The following ZMYM1 variants were observed in gnomAD, a reference collection of about 807,000 sequenced individuals.
ZMYM1 encodes the protein zinc finger MYM-type containing 1, also known as zinc finger MYM-type protein 1.
ZMYM1 carries 39 observed loss-of-function variants against 60.0 expected under a neutral mutation model. That is an observed-to-expected ratio of 0.65 (90% CI 0.50 to 0.85). The LOEUF (loss-of-function observed/expected upper bound fraction) is 0.85, where lower values mean the gene tolerates loss of function less well. Ranked by LOEUF, ZMYM1 falls within the 40% of genes least tolerant of loss-of-function variation. The probability of loss-of-function intolerance (pLI) is 0.00; values close to 1 mark genes in which losing one functional copy is unlikely to be tolerated. For synonymous variants in ZMYM1, 413 were observed against 454.0 expected (o/e 0.91, Z 1.15); for missense variants, 1,171 against 1,309.5 (o/e 0.89, Z 1.63).
At chr1:35,088,208 A>G (rs1642761514) in intron 1 of ZMYM1, among the ~76,000 whole-genome samples, 1 of 151,972 alleles carries the variant, frequency 6.6e-6, no homozygotes. Context: ...TCACAAGGTC[A>G]GGTGATCGAG....
At chr1:35,060,401 C>T (rs1388401015) in intron 1 of ZMYM1, among the ~76,000 whole-genome samples, 2 of 151,108 alleles carry the variant, frequency 1.3e-5, no homozygotes, top group African/African-American at 2.5e-5. Flanking sequence ...CTCTGGTGAT[C>T]GACCCCCCTC....
At chr1:35,112,332 C>T (rs1236827719) in intron 9 of ZMYM1, among the ~76,000 whole-genome samples, 1 of 151,586 alleles carries the variant, frequency 6.6e-6, no homozygotes, top group African/African-American at 2.4e-5. Flanking sequence ...CGCCTGCTAC[C>T]ATGCCCAGTT....
At chr1:35,092,381 C>A (rs1225540067) in intron 1 of ZMYM1, among the ~76,000 whole-genome samples, 3 of 145,618 alleles carry the variant, frequency 2.1e-5, no homozygotes, top group African/African-American at 7.6e-5. Context: ...CACAGGCACA[C>A]ACCACCACAC....
Position 35,115,074 on chromosome 1 carries a change from A to G in ZMYM1, c.3244A>G (p.Ser1082Gly). 1 of 1,614,118 alleles carries G rather than the reference A, an allele frequency of 6.2e-7. No homozygotes were observed. The highest frequency in any genetic ancestry group is 1.1e-5 in the South Asian group (1 of 91,076). ...IALSWPITSA[S>G]TENSFSTLPR... ...TTTGTCTTGGCCAATTACTTCAGCA[A>G]GTACTGAGAACTCATTTTCTACCCT... Residue 1082 changes from serine to glycine, a missense_variant, in exon 10 of 10, where the codon AGT becomes GGT. Transcript: ENST00000359858.
chr1:35,095,851 G>GGACTGTTT lies in ZMYM1; in HGVS notation c.131_132insCTGTTTGA (p.Glu44AspfsTer7). The stretch of plus-strand genomic sequence containing the variant: ...GTCATAGGCAACAGTCCAGAACTCA[G>GGACTGTTT]GAGAATGAACTGAAAATAAATGCTG... On this transcript the variant is annotated frameshift_variant, in exon 3 of 10. Coordinates refer to ENST00000359858, the MANE Select transcript of ZMYM1 (RefSeq NM_024772.5). LOFTEE classifies it high-confidence loss of function. The GGACTGTTT allele has an allele frequency of 5.0e-6, 8 of 1,609,800 alleles. No individual in the cohort carries two copies. The Middle Eastern group carries it at 1.3e-3, about 267-fold the overall frequency.
intron 6 of ZMYM1, among the ~76,000 whole-genome samples, chr1:35,108,350 T>A (rs1401026231): frequency 6.6e-6 from 1 of 152,142 alleles, no homozygotes; most frequent in Non-Finnish European, 1.5e-5. Context: ...GGTTTTGTTT[T>A]GTTTTGTTTT....
chr1:35,078,634 T>C (rs1373009992), upstream of ZMYM1, among the ~76,000 whole-genome samples: 1 of 144,632 alleles, frequency 6.9e-6, no homozygotes, highest in Non-Finnish European at 1.5e-5. Flanking sequence ...CTGCAACCTC[T>C]GCCTCCTGGC....
chr1:35,101,022 T>G (rs1340595193), intron 4 of ZMYM1, among the ~76,000 whole-genome samples: 1 of 152,040 alleles, frequency 6.6e-6, no homozygotes, highest in Non-Finnish European at 1.5e-5. Context: ...AGACTGGTCT[T>G]GAACTCCTGG....
At chr1:35,061,453 T>G (rs1200421957) in intron 1 of ZMYM1, among the ~76,000 whole-genome samples, 1 of 152,072 alleles carries the variant, frequency 6.6e-6, no homozygotes, top group East Asian at 1.9e-4. Context: ...TAGATAGATA[T>G]AGATAGATAG....
rs189973655 is a variant in ZMYM1 at position 35,089,324 on chromosome 1, G to A, written c.-74-4590G>A. ...TGGCATGTGTACTTTCAGGTGAAGGGAATCTACCTAATGACAAATAGTTAA... is the reference window on the plus strand; with the variant it reads ...TGGCATGTGTACTTTCAGGTGAAGGAAATCTACCTAATGACAAATAGTTAA... On this transcript the variant is annotated intron_variant, in intron 1 of 9. Transcript: ENST00000359858. 7.5e-3 allele frequency among the ~76,000 whole-genome samples: 1,141 copies of A among 152,270 alleles called. 8 individuals are homozygous for A. Among genetic ancestry groups the A allele is most frequent in the Middle Eastern group, 0.017 (5 of 294 alleles).
At chr1:35,105,126 C>CTTTTTTTTTTTTTTTTTT (rs1029051953) in intron 6 of ZMYM1, among the ~76,000 whole-genome samples, 2 of 96,580 alleles carry the variant, frequency 2.1e-5, no homozygotes, top group Non-Finnish European at 2.0e-5. Context: ...TTATTTCTTT[C>CTTTTTTTTTTTTTTTTTT]TTTTTTTTTT....
intron 6 of ZMYM1, among the ~76,000 whole-genome samples, chr1:35,106,264 G>GTTC (rs919250563): frequency 3.3e-5 from 5 of 152,160 alleles, no homozygotes; most frequent in African/African-American, 1.2e-4. Flanking sequence ...TATGTTGCTT[G>GTTC]TTCATATCAT....
chr1:35,112,847 C>A, intron 9 of ZMYM1, 130 bp from the exon 10 acceptor site: 2 of 740,716 alleles, frequency 2.7e-6, no homozygotes, highest in Non-Finnish European at 1.9e-6. Flanking sequence ...TAATTGTTAA[C>A]GTTTCCCCCT....
chr1:35,085,343 G>A (rs11808941), intron 1 of ZMYM1, among the ~76,000 whole-genome samples: 3,529 of 152,206 alleles, frequency 0.023, 161 homozygotes, highest in African/African-American at 0.081. Flanking sequence ...CACCGCGCCC[G>A]GCCCCCATAT....
In ZMYM1 at chr1:35,100,348, G is replaced by A. The variant is rs903007257; in HGVS notation, c.419+2782G>A. On this transcript the variant is annotated intron_variant, in intron 4 of 9. Transcript: ENST00000359858. ...GAAAGATGCGATTTGTGGGCCAAGC[G>A]AGGTGGTTCACACCTGTAATCCCAG... Among the ~76,000 whole-genome samples, 11 of 152,016 alleles carry A rather than the reference G, an allele frequency of 7.2e-5. 1 individual carries two copies. Among genetic ancestry groups the A allele is most frequent in the Admixed American group, 2.0e-4 (3 of 15,258 alleles).
chr1:35,061,942 G>A (rs1379037027), intron 1 of ZMYM1, among the ~76,000 whole-genome samples: 1 of 151,290 alleles, frequency 6.6e-6, no homozygotes, highest in Non-Finnish European at 1.5e-5. Context: ...TGATCCTCCT[G>A]CCTTAGCCTC....
Position 35,103,666 on chromosome 1 carries a change from G to A in ZMYM1, c.420-629G>A, listed in dbSNP as rs564090307. ...GTACCTGTTTTCAGTTTTTTTGGGT[G>A]TTTACCAAGGAGTGGGATTGCAGGG... is the stretch of plus-strand genomic sequence containing the variant. On this transcript the variant is annotated intron_variant, in intron 4 of 9. Coordinates refer to ENST00000359858, the MANE Select transcript of ZMYM1 (RefSeq NM_024772.5). 2.0e-5 allele frequency among the ~76,000 whole-genome samples: 3 copies of A among 152,230 alleles called. No individual in the cohort carries two copies. In the South Asian group the frequency reaches 6.2e-4, roughly 32 times the overall value.
intron 6 of ZMYM1, among the ~76,000 whole-genome samples, chr1:35,106,715 G>C (rs1264101601): frequency 2.6e-5 from 4 of 151,850 alleles, no homozygotes; most frequent in Non-Finnish European, 5.9e-5. Context: ...CCCATCTTGA[G>C]AGTATCCTGC....
chr1:35,117,094 G>A (rs1186356734), downstream of ZMYM1, among the ~76,000 whole-genome samples: 3 of 148,644 alleles, frequency 2.0e-5, no homozygotes, highest in Non-Finnish European at 4.5e-5. Context: ...GCCTCCCAAA[G>A]TGCTGGGATT....
Sources: allele counts gnomAD v4.1 joint callset (sites outside exome capture counted in the v4.1 genomes callset), GRCh38; gene constraint gnomAD v4.1.1; transcripts MANE v1.5; gene names NCBI Gene and HGNC (gene_info 2026-07-23, HGNC 2026-07-21).